STAC: variants seen among roughly 807,000 people sequenced by gnomAD.
The protein encoded by STAC is SH3 and cysteine rich domain.
STAC carries 43 observed loss-of-function variants against 48.8 expected under a neutral mutation model. The ratio of observed to expected loss-of-function variants is 0.88; its 90% confidence interval spans 0.69 to 1.14. The LOEUF is 1.14. Among genes scored for constraint, STAC ranks in the 50% most tolerant of loss-of-function variants. STAC has a pLI of 0.00. For synonymous variants in STAC, 193 were observed against 179.5 expected, an observed-to-expected ratio of 1.07 and a Z score of -0.60; for missense variants, 497 against 504.0, an observed-to-expected ratio of 0.99 and a Z score of 0.13.
At chr3:36,464,587 C>A (rs144385787) in intron 2 of STAC, among the ~76,000 whole-genome samples, 1 of 152,050 alleles carries the variant, frequency 6.6e-6, no homozygotes, top group South Asian at 2.1e-4. Flanking sequence ...ATCCCTCACC[C>A]CTGCAAACTC....
intron 5 of STAC, among the ~76,000 whole-genome samples, chr3:36,492,486 T>C (rs933143618): frequency 1.3e-5 from 2 of 152,192 alleles, no homozygotes; most frequent in African/African-American, 2.4e-5. Flanking sequence ...ATCATAGGAT[T>C]AATTTGGGGA....
chr3:36,488,548 T>G (rs1697878769), intron 5 of STAC, among the ~76,000 whole-genome samples: 1 of 152,186 alleles, frequency 6.6e-6, no homozygotes, highest in Non-Finnish European at 1.5e-5. Flanking sequence ...TTCCTTTAGT[T>G]CAAGCACCGT....
At chr3:36,475,261 T>A (rs1697460687) in intron 2 of STAC, among the ~76,000 whole-genome samples, 1 of 148,540 alleles carries the variant, frequency 6.7e-6, no homozygotes, top group Non-Finnish European at 1.5e-5. Context: ...TACATCATGT[T>A]ATTTTTTTTT....
chr3:36,421,126 T>C (rs889397522), intron 1 of STAC, among the ~76,000 whole-genome samples: 2 of 152,200 alleles, frequency 1.3e-5, no homozygotes, highest in South Asian at 4.1e-4. Flanking sequence ...TTTTTTCCTC[T>C]CTGATTCTGG....
chr3:36,431,010 A>G (rs1218006161), intron 1 of STAC, among the ~76,000 whole-genome samples: 1 of 152,214 alleles, frequency 6.6e-6, no homozygotes, highest in Non-Finnish European at 1.5e-5. Context: ...ACCCGGTAGC[A>G]AATACCCACT....
At position 36,486,158 on chromosome 3, in the gene STAC, T is replaced by A. The variant is rs753886701; in HGVS notation, c.596T>A (p.Val199Asp). Residue 199 changes from valine (V) to aspartate (D), a missense_variant, in exon 5 of 11, where the codon GTC (valine) becomes GAC (aspartate). Physicochemically the swap from Val to Asp is radical, Grantham distance 152. Transcript: ENST00000273183. The stretch of plus-strand genomic sequence containing the variant: ...GCCTGTGGCAATAAGGTGGACCCTG[T>A]CTACGAGACCCTCCGCTTCGGCACC... ...PIACGNKVDP[V>D]YETLRFGTSL... is the part of the protein sequence containing the mutation. 1 of 1,613,930 alleles carries A rather than the reference T, an allele frequency of 6.2e-7. No homozygotes were observed. Among genetic ancestry groups the A allele is most frequent in the East Asian group, 2.2e-5 (1 of 44,858 alleles).
intron 1 of STAC, among the ~76,000 whole-genome samples, chr3:36,397,106 T>G (rs749087979): frequency 4.6e-5 from 7 of 152,142 alleles, no homozygotes; most frequent in Admixed American, 1.3e-4. Context: ...TGTTTTGTGT[T>G]TTGTTTTTGT....
intron 8 of STAC, among the ~76,000 whole-genome samples, chr3:36,510,119 A>AAAC (rs553719325): frequency 1.9e-3 from 286 of 151,874 alleles, no homozygotes; most frequent in African/African-American, 6.5e-3. Context: ...TACAAGAAAA[A>AAAC]AACCCCATCA....
chr3:36,431,466 C>T (rs932704609), intron 1 of STAC, among the ~76,000 whole-genome samples: 3 of 152,216 alleles, frequency 2.0e-5, no homozygotes, highest in African/African-American at 7.2e-5. Flanking sequence ...AACCCATACT[C>T]TCAGTTGCAA....
At chr3:36,469,067 A>C (rs1206204894) in intron 2 of STAC, among the ~76,000 whole-genome samples, 2 of 152,052 alleles carry the variant, frequency 1.3e-5, no homozygotes, top group African/African-American at 4.8e-5. Context: ...TTTTAAGTGG[A>C]GCATTTAGGT....
At chr3:36,398,559 G>GGGGAGGAAGGAAGGAA (rs1699927390) in intron 1 of STAC, among the ~76,000 whole-genome samples, 1 of 30,964 alleles carries the variant, frequency 3.2e-5, no homozygotes. Context: ...GAAAGAGAGA[G>GGGGAGGAAGGAAGGAA]GGAAGGAAGG....
At chr3:36,524,506 C>T (rs774255707) in intron 8 of STAC, among the ~76,000 whole-genome samples, 3 of 151,904 alleles carry the variant, frequency 2.0e-5, no homozygotes, top group African/African-American at 4.8e-5. Flanking sequence ...GCAGGAGAAT[C>T]GCTTGAACCT....
In STAC at chr3:36,463,521, TA is replaced by T. The variant is rs1225808392; in HGVS notation, c.389-19469del. On this transcript the variant is annotated intron_variant, in intron 2 of 10. Coordinates refer to ENST00000273183, the MANE Select transcript of STAC (RefSeq NM_003149.3). ...TTTTGGTAGTTTTTCTTTTTTTTTT[TA>T]ATTATACTTTAAGTTTTCGGGTACA... 2.7e-5 allele frequency among the ~76,000 whole-genome samples: 4 copies of T among 150,752 alleles called. No individual in the cohort carries two copies. The East Asian group carries it at 5.9e-4, about 22-fold the overall frequency.
At chr3:36,518,580 T>C (rs1698729832) in intron 8 of STAC, among the ~76,000 whole-genome samples, 1 of 152,202 alleles carries the variant, frequency 6.6e-6, no homozygotes, top group Non-Finnish European at 1.5e-5. Flanking sequence ...TCTTCTTTTG[T>C]AACGCCAAGT....
intron 5 of STAC, 87 bp from the exon 6 acceptor site, chr3:36,493,064 A>G: frequency 7.7e-7 from 1 of 1,295,660 alleles, no homozygotes; most frequent in African/African-American, 1.5e-5. Context: ...TGCAAATTCT[A>G]CCTAAGCTCT....
chr3:36,400,007 T>G (rs1362042222), intron 1 of STAC, among the ~76,000 whole-genome samples: 1 of 152,008 alleles, frequency 6.6e-6, no homozygotes, highest in African/African-American at 2.4e-5. Context: ...TAAAAGGGGG[T>G]GGGTTGATGC....
intron 1 of STAC, among the ~76,000 whole-genome samples, chr3:36,407,119 A>T (rs1440410154): frequency 6.6e-6 from 1 of 152,214 alleles, no homozygotes; most frequent in Admixed American, 6.5e-5. Flanking sequence ...GGCACATACT[A>T]TATGTTCACT....
At chr3:36,474,567 C>T (rs1259815185) in intron 2 of STAC, among the ~76,000 whole-genome samples, 2 of 152,192 alleles carry the variant, frequency 1.3e-5, no homozygotes, top group East Asian at 3.9e-4. Flanking sequence ...TAGACCCAGA[C>T]CCTAGTCCTG....
chr3:36,492,913 A>T (rs1698028982), intron 5 of STAC, among the ~76,000 whole-genome samples: 1 of 152,170 alleles, frequency 6.6e-6, no homozygotes, highest in African/African-American at 2.4e-5. Context: ...ATGAATATTC[A>T]ATACTCACTG....
Sources: gnomAD v4.1 joint callset for allele counts (sites outside exome capture counted in the v4.1 genomes callset) on GRCh38, gnomAD v4.1.1 for gene constraint, MANE v1.5 for transcripts, NCBI Gene and HGNC (gene_info 2026-07-23, HGNC 2026-07-21) for gene names.